The following PATJ variants were observed in gnomAD, a reference collection of about 807,000 sequenced individuals.
PATJ encodes the protein PATJ crumbs cell polarity complex component, also known as inaD-like protein.
In PATJ, 190 loss-of-function variants were observed where a neutral mutation model predicts 224.9. The observed-to-expected ratio is 0.84, with a 90% CI of 0.75 to 0.95. The LOEUF is 0.95. Among genes scored for constraint, PATJ ranks in the 40% least tolerant of loss-of-function variants. PATJ has a pLI of 0.00. For missense variants in PATJ, 2,121 were observed against 2,270.3 expected (o/e 0.93, Z 1.34); for synonymous variants, 769 against 820.3 (o/e 0.94, Z 1.07).
intron 31 of PATJ, among the ~76,000 whole-genome samples, chr1:62,075,934 A>G (rs1279635727): frequency 1.3e-5 from 2 of 151,306 alleles, no homozygotes; most frequent in Admixed American, 6.6e-5. Flanking sequence ...AAAAAAAAAG[A>G]AAAGAAAAAC....
intron 31 of PATJ, among the ~76,000 whole-genome samples, chr1:62,077,083 C>T (rs1446061843): frequency 1.3e-5 from 2 of 152,096 alleles, no homozygotes; most frequent in African/African-American, 2.4e-5. Flanking sequence ...TTTAAGAGGG[C>T]TGCTTCAGTT....
chr1:61,980,909 A>C (rs1644417938), intron 27 of PATJ, among the ~76,000 whole-genome samples: 1 of 152,108 alleles, frequency 6.6e-6, no homozygotes, highest in African/African-American at 2.4e-5. Flanking sequence ...AGTCAGTTTC[A>C]AAAACCAAAT....
chr1:62,144,298 G>T (rs1191534537), intron 41 of PATJ, among the ~76,000 whole-genome samples: 1 of 151,974 alleles, frequency 6.6e-6, no homozygotes, highest in Non-Finnish European at 1.5e-5. Context: ...CTGTAACTTG[G>T]ACATAGCAGT....
At position 61,914,587 on chromosome 1, in the gene PATJ, G is replaced by T. The variant is rs144020059; in HGVS notation, c.3493G>T (p.Val1165Phe). 5.4e-6 allele frequency: 8 copies of T among 1,487,392 alleles called. No individual in the cohort carries two copies. The highest frequency in any genetic ancestry group is 5.6e-6 in the Non-Finnish European group (6 of 1,072,620). The allele number at this position is 1,487,392 out of a possible 1,614,324, so 92.1% of individuals were successfully genotyped here. ...CCCACCCCTTTTTTTGTCACCATAG[G>T]TCATTCCTAACGTACATAACAAGGC... is the stretch of plus-strand genomic sequence containing the variant. ...IVQSLSSTPRVIPNVHNKANK... is the reference protein window; with the variant it reads ...IVQSLSSTPRFIPNVHNKANK... The change falls in exon 26 of 44, where the codon GTC becomes TTC. Residue 1165 changes from valine to phenylalanine, a missense_variant and splice_region_variant. Val to Phe is a conservative substitution (Grantham distance 50). Coordinates refer to ENST00000642238, the MANE Select transcript of PATJ (RefSeq NM_001350145.3).
chr1:62,036,895 A>AAGGAAGGG (rs1650512634), intron 29 of PATJ, among the ~76,000 whole-genome samples: 1 of 129,264 alleles, frequency 7.7e-6, no homozygotes, highest in African/African-American at 2.9e-5. Flanking sequence ...GGAAGAAAGG[A>AAGGAAGGG]AGGAAGGGAG....
chr1:61,871,069 TG>T (rs1392494727), intron 20 of PATJ, among the ~76,000 whole-genome samples: 2 of 149,872 alleles, frequency 1.3e-5, no homozygotes, highest in African/African-American at 4.9e-5. Flanking sequence ...ATTTGGTTTT[TG>T]TTTTTTTTGT....
intron 27 of PATJ, among the ~76,000 whole-genome samples, chr1:61,986,624 T>A (rs1434809478): frequency 6.6e-6 from 1 of 152,058 alleles, no homozygotes; most frequent in Admixed American, 6.5e-5. Context: ...TCTCGCTATG[T>A]TGCCCAGGCT....
At chr1:61,819,870 C>T (rs1265977779) in intron 14 of PATJ, among the ~76,000 whole-genome samples, 1 of 152,116 alleles carries the variant, frequency 6.6e-6, no homozygotes, top group African/African-American at 2.4e-5. Context: ...TTGTCCACCC[C>T]TCAGTGTTCT....
intron 17 of PATJ, among the ~76,000 whole-genome samples, chr1:61,838,587 G>T (rs992305500): frequency 1.6e-4 from 24 of 148,156 alleles, no homozygotes; most frequent in African/African-American, 5.5e-4. Flanking sequence ...AGCCAGGATG[G>T]TCTCGATCTC....
At chr1:61,994,365 C>A (rs1291363935) in intron 28 of PATJ, among the ~76,000 whole-genome samples, 1 of 152,132 alleles carries the variant, frequency 6.6e-6, no homozygotes, top group African/African-American at 2.4e-5. Flanking sequence ...TACCTTAATA[C>A]ATTTCAGATG....
rs1669847573 is a variant in PATJ at position 62,161,595 on chromosome 1, T to C, written c.*541T>C. 1 of 152,352 alleles carries C rather than the reference T, an allele frequency of 6.6e-6. No homozygotes were observed. Among genetic ancestry groups the C allele is most frequent in the South Asian group, 2.1e-4 (1 of 4,822 alleles). The allele number at this position is 152,352 out of a possible 1,614,324, so 9.4% of individuals were successfully genotyped here. A position where few individuals can be genotyped will look rare whatever the true frequency, so the allele number is the denominator to read the frequency against. On this transcript the variant is annotated 3_prime_UTR_variant, in exon 44 of 44. Coordinates refer to ENST00000642238, the MANE Select transcript of PATJ (RefSeq NM_001350145.3). ...CTCAGGTGATCTGCCTGCCTTGGCCTCCCAAAGTGCTGGGATTCCAGGCGT... is the reference window on the plus strand; with the variant it reads ...CTCAGGTGATCTGCCTGCCTTGGCCCCCCAAAGTGCTGGGATTCCAGGCGT...
intron 12 of PATJ, among the ~76,000 whole-genome samples, chr1:61,804,363 C>A (rs1287788679): frequency 1.3e-5 from 2 of 151,976 alleles, no homozygotes; most frequent in Non-Finnish European, 2.9e-5. Context: ...AATTTAAGTT[C>A]TTTAATGTTC....
chr1:62,122,363 TAAAAAA>T (rs58555932), intron 38 of PATJ, among the ~76,000 whole-genome samples: 3 of 81,552 alleles, frequency 3.7e-5, no homozygotes, highest in African/African-American at 8.3e-5. Flanking sequence ...AGACTCCATC[TAAAAAA>T]AAAAAAAAAA....
intron 27 of PATJ, among the ~76,000 whole-genome samples, chr1:61,965,167 C>T (rs971833385): frequency 9.3e-6 from 1 of 107,930 alleles, no homozygotes; most frequent in African/African-American, 3.3e-5. Flanking sequence ...AAAAAGGAGC[C>T]TTCATGTGTA....
At chr1:62,044,784 A>T (rs1652203994) in intron 30 of PATJ, among the ~76,000 whole-genome samples, 1 of 152,186 alleles carries the variant, frequency 6.6e-6, no homozygotes, top group Non-Finnish European at 1.5e-5. Flanking sequence ...AAATAAGCTC[A>T]CGTTTGGGGT....
At chr1:61,748,476 G>A (rs1273231173) in intron 1 of PATJ, among the ~76,000 whole-genome samples, 4 of 147,486 alleles carry the variant, frequency 2.7e-5, no homozygotes, top group African/African-American at 1.0e-4. Flanking sequence ...GGCTGGTCTC[G>A]AACTCCTGAC....
intron 23 of PATJ, 118 bp from the exon 24 acceptor site, chr1:61,901,164 A>T: frequency 2.0e-6 from 1 of 494,570 alleles, no homozygotes; most frequent in Non-Finnish European, 3.3e-6. Flanking sequence ...ATTTGTAAAA[A>T]TATATTTCAA....
At position 61,762,899 on chromosome 1, in the gene PATJ, GA is replaced by G; in HGVS notation, c.11del (p.Asn4IlefsTer16). On this transcript the variant is annotated frameshift_variant, in exon 2 of 44. Coordinates refer to ENST00000642238, the MANE Select transcript of PATJ (RefSeq NM_001350145.3). LOFTEE classifies it high-confidence loss of function. MP[E>X]NPATDKLQVL... is the part of the protein sequence containing the mutation. ...TTGAAGAGAATAATTCAAAATGCCTGAAAATCCTGCTACAGGTATACTGGAT... is the reference window on the plus strand; with the variant it reads ...TTGAAGAGAATAATTCAAAATGCCTGAAATCCTGCTACAGGTATACTGGAT... The G allele has an allele frequency of 6.5e-7, 1 of 1,545,580 alleles. No individual in the cohort carries two copies. The highest frequency in any genetic ancestry group is 8.8e-7 in the Non-Finnish European group (1 of 1,133,336).
At chr1:62,031,700 T>C (rs1435085486) in intron 29 of PATJ, among the ~76,000 whole-genome samples, 1 of 152,206 alleles carries the variant, frequency 6.6e-6, no homozygotes, top group Non-Finnish European at 1.5e-5. Flanking sequence ...TAAGAGTAGG[T>C]TTTGAAACCA....
Sources: allele counts gnomAD v4.1 joint callset (sites outside exome capture counted in the v4.1 genomes callset), GRCh38; gene constraint gnomAD v4.1.1; transcripts MANE v1.5; gene names NCBI Gene and HGNC (gene_info 2026-07-23, HGNC 2026-07-21).